The following GPR149 variants were observed in gnomAD, a reference collection of about 807,000 sequenced individuals.
GPR149 encodes G protein-coupled receptor 149, also known as probable G protein-coupled receptor 149.
In GPR149, 50 loss-of-function variants were observed where a neutral mutation model predicts 50.2. That is an observed-to-expected ratio of 1.00 (90% CI 0.79 to 1.26). The LOEUF is 1.26. GPR149 is among the 50% of genes most tolerant of loss of function. The pLI, the probability that GPR149 is intolerant of heterozygous loss-of-function variation, is 0.00. For missense variants in GPR149, 983 were observed against 895.4 expected, an observed-to-expected ratio of 1.10 and a Z score of -1.25; for synonymous variants, 405 against 358.2, an observed-to-expected ratio of 1.13 and a Z score of -1.48.
chr3:154,353,485 G>A (rs867716538), intron 3 of GPR149: 1 of 910,916 alleles, frequency 1.1e-6, no homozygotes, highest in African/African-American at 1.6e-5. Context: ...ACATGGCACA[G>A]TTTAGAAAGA....
At chr3:154,398,713 T>A (rs1715351161) in intron 3 of GPR149, among the ~76,000 whole-genome samples, 1 of 152,150 alleles carries the variant, frequency 6.6e-6, no homozygotes. Context: ...TATGTGCTCT[T>A]GGATCTTAAA....
rs750095020 is a variant in GPR149, at chr3:154,429,073, G to A, written c.543C>T (p.Gly181=). The change falls in exon 1 of 4, where the codon GGC becomes GGT. Residue 181 remains glycine, a synonymous_variant. Transcript: ENST00000389740. ...GWGAFVRTPW[G]CLVDCSSSYV... Reference sequence around the variant, plus strand: ...AGGAGCTGGAGCAGTCCACCAGGCAGCCCCAGGGCGTGCGCACGAAGGCGC... The same window carrying A: ...AGGAGCTGGAGCAGTCCACCAGGCAACCCCAGGGCGTGCGCACGAAGGCGC... 5.6e-6 allele frequency: 9 copies of A among 1,613,816 alleles called. No homozygotes were observed. The East Asian group carries it at 1.8e-4, about 32-fold the overall frequency.
In GPR149 at chr3:154,336,431, AAGTGTCAACTC is replaced by A. The variant is rs1251983755; in HGVS notation, c.*1257_*1267del. 1 of 152,124 alleles carries A rather than the reference AAGTGTCAACTC, an allele frequency of 6.6e-6. No individual in the cohort carries two copies. Among genetic ancestry groups the A allele is most frequent in the African/African-American group, 2.4e-5 (1 of 41,464 alleles). The allele number at this position is 152,124 out of a possible 1,614,324, so 9.4% of individuals were successfully genotyped here. ...GGGGCACAAAGTCTAAGACTATGTA[AAGTGTCAACTC>A]AGTAACTTTGGAAAATAAACTTTTA... On this transcript the variant is annotated 3_prime_UTR_variant, in exon 4 of 4. Coordinates refer to ENST00000389740, the MANE Select transcript of GPR149 (RefSeq NM_001038705.3).
At position 154,358,033 on chromosome 3, in the gene GPR149, C is replaced by A. The variant is rs1053694407; in HGVS notation, c.1624-19762G>T. 5.3e-5 allele frequency among the ~76,000 whole-genome samples: 8 copies of A among 151,846 alleles called. No individual in the cohort carries two copies. In the East Asian group the frequency reaches 1.6e-3, roughly 30 times the overall value. ...GAAACCATCATTCTCAGCAAACTAT[C>A]GCAAGGACAAAAAACCAAACACTGC... On this transcript the variant is annotated intron_variant, in intron 3 of 3. Coordinates refer to ENST00000389740, the MANE Select transcript of GPR149 (RefSeq NM_001038705.3).
rs1485779242 is a variant in GPR149 at position 154,428,972 on chromosome 3, C to G, written c.644G>C (p.Arg215Pro). ...LVGLSVPLTH[R>P]LLCSEEPPRL... Reference sequence around the variant, plus strand: ...CGGCGGCTCCTCCGAACACAGCAATCGGTGAGTGAGTGGGACTGAGAGGCC... The same window carrying G: ...CGGCGGCTCCTCCGAACACAGCAATGGGTGAGTGAGTGGGACTGAGAGGCC... Residue 215 changes from arginine (R) to proline (P), a missense_variant, in exon 1 of 4, where the codon CGA becomes CCA. By Grantham distance (103) the Arg-to-Pro change is moderately radical. Transcript: ENST00000389740. 1.2e-6 allele frequency: 2 copies of G among 1,613,766 alleles called. No individual in the cohort carries two copies. The highest frequency in any genetic ancestry group is 8.5e-7 in the Non-Finnish European group (1 of 1,179,970).
chr3:154,345,104 G>C (rs976685802), intron 3 of GPR149, among the ~76,000 whole-genome samples: 1 of 152,148 alleles, frequency 6.6e-6, no homozygotes, highest in African/African-American at 2.4e-5. Context: ...CTATAACAGT[G>C]TCTGGCATAT....
At chr3:154,370,907 G>A (rs576769855) in intron 3 of GPR149, among the ~76,000 whole-genome samples, 1 of 152,232 alleles carries the variant, frequency 6.6e-6, no homozygotes, top group East Asian at 1.9e-4. Flanking sequence ...TTATTAGGGA[G>A]GGACATATTA....
At position 154,377,635 on chromosome 3, in the gene GPR149, G is replaced by A. The variant is rs536817596; in HGVS notation, c.1624-39364C>T. On this transcript the variant is annotated intron_variant, in intron 3 of 3. Coordinates refer to ENST00000389740, the MANE Select transcript of GPR149 (RefSeq NM_001038705.3). ...TTCGTCTCTGCCTCCCAAAGTACTG[G>A]GATTACAGGTGTGAGCCACTGTGCC... Among the ~76,000 whole-genome samples, 6 of 152,114 alleles carry A rather than the reference G, an allele frequency of 3.9e-5. No homozygotes were observed. In the South Asian group the frequency reaches 1.2e-3, roughly 32 times the overall value.
At chr3:154,346,697 G>A (rs948047935) in intron 3 of GPR149, among the ~76,000 whole-genome samples, 1 of 151,694 alleles carries the variant, frequency 6.6e-6, no homozygotes, top group African/African-American at 2.4e-5. Context: ...CCTCTTTCAA[G>A]TGATTCTCAT....
chr3:154,422,065 A>T (rs1318707367), intron 2 of GPR149, among the ~76,000 whole-genome samples: 1 of 151,720 alleles, frequency 6.6e-6, no homozygotes, highest in Non-Finnish European at 1.5e-5. Flanking sequence ...TTAAAAAATA[A>T]CATGTACATT....
intron 3 of GPR149, among the ~76,000 whole-genome samples, chr3:154,410,639 A>G (rs1015105751): frequency 3.3e-5 from 5 of 152,198 alleles, no homozygotes; most frequent in Non-Finnish European, 7.4e-5. Context: ...ACAGGAAAAT[A>G]TCACAATTCT....
chr3:154,383,901 T>C (rs908310), intron 3 of GPR149, among the ~76,000 whole-genome samples: 145,791 of 152,200 alleles, frequency 0.96, 69,930 homozygotes, highest in East Asian at 1. Flanking sequence ...GAGAAGACGG[T>C]TGTCTCTGAA....
intron 2 of GPR149, among the ~76,000 whole-genome samples, chr3:154,424,384 G>T (rs1712235465): frequency 6.6e-6 from 1 of 151,780 alleles, no homozygotes; most frequent in South Asian, 2.1e-4. Context: ...GATAGGAATG[G>T]TTTGTTAGGT....
Position 154,429,653 on chromosome 3 carries a change from T to A in GPR149, c.-38A>T. The A allele has an allele frequency of 2.6e-6, 4 of 1,547,020 alleles. No individual in the cohort carries two copies. The highest frequency in any genetic ancestry group is 2.6e-6 in the Non-Finnish European group (3 of 1,139,334). On this transcript the variant is annotated 5_prime_UTR_variant, in exon 1 of 4. Coordinates refer to ENST00000389740, the MANE Select transcript of GPR149 (RefSeq NM_001038705.3). Reference sequence around the variant, plus strand: ...ATATTTAATTTCCCTTATCAATGAGTCTGATAATTTTCTCAAAAGAAAGAC... The same window carrying A: ...ATATTTAATTTCCCTTATCAATGAGACTGATAATTTTCTCAAAAGAAAGAC...
chr3:154,343,198 A>G (rs1470772522), intron 3 of GPR149, among the ~76,000 whole-genome samples: 2 of 152,194 alleles, frequency 1.3e-5, no homozygotes, highest in Non-Finnish European at 2.9e-5. Flanking sequence ...AAAATTAAGC[A>G]TGTATAGGAA....
chr3:154,397,602 C>G (rs1715323679), intron 3 of GPR149, among the ~76,000 whole-genome samples: 1 of 152,090 alleles, frequency 6.6e-6, no homozygotes, highest in African/African-American at 2.4e-5. Flanking sequence ...TCTATTGTAT[C>G]TATATGTTGA....
chr3:154,390,567 T>C (rs960767064), intron 3 of GPR149, among the ~76,000 whole-genome samples: 2 of 151,952 alleles, frequency 1.3e-5, no homozygotes, highest in African/African-American at 4.8e-5. Flanking sequence ...AAGGGACTTA[T>C]AGGATGCCAT....
chr3:154,427,216 A>G (rs1300834905), intron 2 of GPR149, among the ~76,000 whole-genome samples: 3 of 152,002 alleles, frequency 2.0e-5, no homozygotes, highest in African/African-American at 7.2e-5. Flanking sequence ...TGTATCATCT[A>G]AGTGCCTTTG....
chr3:154,409,739 C>T (rs1412979900), intron 3 of GPR149, among the ~76,000 whole-genome samples: 2 of 152,072 alleles, frequency 1.3e-5, no homozygotes, highest in Non-Finnish European at 2.9e-5. Flanking sequence ...CTGTGTTAAA[C>T]ATCCAAACCT....
Sources: allele counts gnomAD v4.1 joint callset (sites outside exome capture counted in the v4.1 genomes callset), GRCh38; gene constraint gnomAD v4.1.1; transcripts MANE v1.5; gene names NCBI Gene and HGNC (gene_info 2026-07-23, HGNC 2026-07-21).